MGMT: variants seen among roughly 807,000 people sequenced by gnomAD.
MGMT encodes the protein O-6-methylguanine-DNA methyltransferase, also known as methylated-DNA--protein-cysteine methyltransferase.
MGMT carries 14 observed loss-of-function variants against 15.9 expected under a neutral mutation model. The observed-to-expected ratio is 0.88, with a 90% CI of 0.58 to 1.37. The LOEUF (loss-of-function observed/expected upper bound fraction) is 1.37. Among genes scored for constraint, MGMT ranks in the 40% most tolerant of loss-of-function variants. The pLI is 0.00. For synonymous variants in MGMT, 130 were observed against 118.2 expected (o/e 1.10, Z -0.65); for missense variants, 282 against 268.1 (o/e 1.05, Z -0.36).
At chr10:129,725,137 G>A (rs1338473671) in intron 3 of MGMT, among the ~76,000 whole-genome samples, 1 of 152,242 alleles carries the variant, frequency 6.6e-6, no homozygotes, top group Non-Finnish European at 1.5e-5. Context: ...CCAAGCGAGT[G>A]GCCTTGGGAG....
chr10:129,738,226 T>C (rs186450553), intron 3 of MGMT, among the ~76,000 whole-genome samples: 2,239 of 152,310 alleles, frequency 0.015, 57 homozygotes, highest in African/African-American at 0.052. Flanking sequence ...CATAGGACCC[T>C]CCAAGCCAGG....
intron 3 of MGMT, among the ~76,000 whole-genome samples, chr10:129,731,508 GCCT>G (rs1315805142): frequency 6.6e-6 from 1 of 151,800 alleles, no homozygotes; most frequent in African/African-American, 2.4e-5. Flanking sequence ...TATGCCGGCT[GCCT>G]CCTCAAGCAG....
chr10:129,619,399 C>G (rs1040049337), intron 2 of MGMT, among the ~76,000 whole-genome samples: 15 of 151,994 alleles, frequency 9.9e-5, no homozygotes, highest in Admixed American at 3.3e-4. Flanking sequence ...AATAAATATA[C>G]AAATAATGCT....
chr10:129,586,995 A>G (rs770242903), intron 2 of MGMT, among the ~76,000 whole-genome samples: 3 of 152,230 alleles, frequency 2.0e-5, no homozygotes, highest in Admixed American at 1.3e-4. Context: ...TATTTAAAAG[A>G]TATTTTTGCT....
chr10:129,682,996 AC>A (rs1847869555), intron 2 of MGMT, among the ~76,000 whole-genome samples: 1 of 152,158 alleles, frequency 6.6e-6, no homozygotes. Flanking sequence ...TTATAGGCGC[AC>A]GCCACCATGT....
At chr10:129,727,335 GC>G (rs1420271429) in intron 3 of MGMT, among the ~76,000 whole-genome samples, 7 of 152,174 alleles carry the variant, frequency 4.6e-5, no homozygotes, top group Non-Finnish European at 7.4e-5. Context: ...CCCAGGAGAG[GC>G]CCATGTGGTG....
intron 2 of MGMT, among the ~76,000 whole-genome samples, chr10:129,580,709 C>T (rs1846543168): frequency 6.6e-6 from 1 of 152,186 alleles, no homozygotes; most frequent in African/African-American, 2.4e-5. Flanking sequence ...GGCTTGTCCC[C>T]CGACCACAGA....
intron 1 of MGMT, among the ~76,000 whole-genome samples, chr10:129,498,647 C>T (rs984209129): frequency 1.3e-5 from 2 of 152,158 alleles, no homozygotes; most frequent in African/African-American, 4.8e-5. Flanking sequence ...GGGTTTGGCT[C>T]CTATGTCTTT....
chr10:129,576,487 C>A (rs1084700), intron 2 of MGMT, among the ~76,000 whole-genome samples: 2 of 152,014 alleles, frequency 1.3e-5, no homozygotes, highest in East Asian at 1.9e-4. Context: ...ATTCAACAAC[C>A]CTTCATGCTA....
chr10:129,657,909 C>T (rs1024782144), intron 2 of MGMT, among the ~76,000 whole-genome samples: 2 of 152,046 alleles, frequency 1.3e-5, no homozygotes, highest in African/African-American at 4.8e-5. Context: ...AAGCCTGAAC[C>T]GGCCCTTCCC....
chr10:129,646,199 GGAC>G (rs1359166647), intron 2 of MGMT, among the ~76,000 whole-genome samples: 3 of 152,156 alleles, frequency 2.0e-5, no homozygotes, highest in Non-Finnish European at 4.4e-5. Context: ...CCAGTCCCCA[GGAC>G]TCTGAGGCCC....
At chr10:129,498,243 G>A (rs1845542536) in intron 1 of MGMT, among the ~76,000 whole-genome samples, 1 of 152,234 alleles carries the variant, frequency 6.6e-6, no homozygotes, top group African/African-American at 2.4e-5. Flanking sequence ...CTTGGTCACT[G>A]GGTATGGTGA....
chr10:129,710,822 C>T (rs147681843), intron 3 of MGMT, among the ~76,000 whole-genome samples: 17 of 152,252 alleles, frequency 1.1e-4, no homozygotes, highest in East Asian at 9.7e-4. Flanking sequence ...CTGAGAGGAG[C>T]GGGTCCATTG....
At chr10:129,568,143 C>T (rs1846376638) in intron 2 of MGMT, among the ~76,000 whole-genome samples, 1 of 152,248 alleles carries the variant, frequency 6.6e-6, no homozygotes, top group South Asian at 2.1e-4. Flanking sequence ...TATGTGCAGA[C>T]ATCACATTAA....
At chr10:129,678,223 G>A (rs78982575) in intron 2 of MGMT, among the ~76,000 whole-genome samples, 5,881 of 152,234 alleles carry the variant, frequency 0.039, 393 homozygotes, top group African/African-American at 0.14. Flanking sequence ...CTGGAGTGAT[G>A]AGTACTGTGT....
chr10:129,585,111 A>G lies in MGMT; in HGVS notation c.125+48734A>G, dbSNP rs140341024. Among the ~76,000 whole-genome samples, 717 of 152,256 alleles carry G rather than the reference A, an allele frequency of 4.7e-3. 5 individuals carry two copies. The highest frequency in any genetic ancestry group is 0.016 in the African/African-American group (673 of 41,558). ...CTGCCAGCAATGTATGAGGGCTCCA[A>G]TTTCTTCATATACTCACCAACACTT... On this transcript the variant is annotated intron_variant, in intron 2 of 4. Transcript: ENST00000651593.
At chr10:129,555,364 G>T (rs1846201350) in intron 2 of MGMT, among the ~76,000 whole-genome samples, 1 of 152,174 alleles carries the variant, frequency 6.6e-6, no homozygotes, top group South Asian at 2.1e-4. Flanking sequence ...TGTCTATCTT[G>T]CTGGCCTTAG....
chr10:129,614,705 G>A (rs1031205435), intron 2 of MGMT, among the ~76,000 whole-genome samples: 2 of 152,156 alleles, frequency 1.3e-5, no homozygotes, highest in Admixed American at 1.3e-4. Context: ...GACTTTTGAC[G>A]AGCCATGTCA....
chr10:129,719,880 CCAAA>C (rs1410842571), intron 3 of MGMT, among the ~76,000 whole-genome samples: 1 of 152,146 alleles, frequency 6.6e-6, no homozygotes, highest in African/African-American at 2.4e-5. Context: ...AATGAGGCCA[CCAAA>C]CAGTCAGCAA....
Sources: gnomAD v4.1 joint callset for allele counts (sites outside exome capture counted in the v4.1 genomes callset) on GRCh38, gnomAD v4.1.1 for gene constraint, MANE v1.5 for transcripts, NCBI Gene and HGNC (gene_info 2026-07-23, HGNC 2026-07-21) for gene names.